Variants in CYB5B observed in about 807,000 individuals in gnomAD.
CYB5B encodes the protein cytochrome b5 type B (outer mitochondrial membrane).
A neutral mutation model predicts 21.3 loss-of-function variants in CYB5B; 14 were observed. The observed-to-expected ratio is 0.66, with a 90% confidence interval of 0.43 to 1.03. The LOEUF is 1.03. CYB5B is among the 50% of genes least tolerant of loss of function. The pLI is 0.00. For missense variants in CYB5B, 166 were observed against 185.1 expected (o/e 0.90, Z 0.60); for synonymous variants, 69 against 68.4 (o/e 1.01, Z -0.04).
At chr16:69,445,710 T>G (rs1452180073) in intron 1 of CYB5B, among the ~76,000 whole-genome samples, 1 of 152,196 alleles carries the variant, frequency 6.6e-6, no homozygotes, top group African/African-American at 2.4e-5. Context: ...ATACCTTTAA[T>G]CCCAGCACTT....
At chr16:69,441,709 G>A (rs1377854711) in intron 1 of CYB5B, among the ~76,000 whole-genome samples, 1 of 151,948 alleles carries the variant, frequency 6.6e-6, no homozygotes, top group Non-Finnish European at 1.5e-5. Context: ...GAATATCTGG[G>A]GTTTTTAGTT....
intron 1 of CYB5B, among the ~76,000 whole-genome samples, chr16:69,432,114 C>A (rs1567470429): frequency 6.6e-6 from 1 of 152,050 alleles, no homozygotes; most frequent in Non-Finnish European, 1.5e-5. Flanking sequence ...CAAGAATGGC[C>A]AGAGAGCTAG....
rs189596882 is a variant in CYB5B at position 69,426,691 on chromosome 16, C to A, written c.174+1834C>A. 2.9e-3 allele frequency among the ~76,000 whole-genome samples: 262 copies of A among 89,550 alleles called. 3 individuals are homozygous for A. The East Asian group carries it at 0.03, about 10-fold the overall frequency. 58.7% of individuals were successfully genotyped at this position (89,550 alleles called of 152,430 possible). ...CTGCACTCCAGCCTGGGCGACAGAG[C>A]GAGACTCCAAAAAAAAAAAAAAAAA... On this transcript the variant is annotated intron_variant, in intron 1 of 4. Coordinates refer to ENST00000307892, the MANE Select transcript of CYB5B (RefSeq NM_030579.3).
chr16:69,445,943 C>T (rs1459915494), intron 1 of CYB5B, among the ~76,000 whole-genome samples: 1 of 151,564 alleles, frequency 6.6e-6, no homozygotes, highest in Non-Finnish European at 1.5e-5. Context: ...GCAACAAGAG[C>T]GAAACTCCAT....
chr16:69,438,448 T>C (rs930689732), intron 1 of CYB5B, among the ~76,000 whole-genome samples: 2 of 152,196 alleles, frequency 1.3e-5, no homozygotes, highest in Non-Finnish European at 2.9e-5. Context: ...ATTCTATGTT[T>C]GGCTTTTTGA....
rs2015056967 is a variant in CYB5B at position 69,463,554 on chromosome 16, TACCA to T, written c.*1036_*1039del. The T allele has an allele frequency of 6.6e-6, 1 of 152,216 alleles. No individual in the cohort carries two copies. The highest frequency in any genetic ancestry group is 1.5e-5 in the Non-Finnish European group (1 of 68,038). The allele number at this position is 152,216 out of a possible 1,614,324, so 9.4% of individuals were successfully genotyped here. ...ATGTATAATTATGTTTGTAGAGCTT[TACCA>T]AGGAGTTTCCCTCCTTTTTTGTTTG... On this transcript the variant is annotated 3_prime_UTR_variant, in exon 5 of 5. Transcript: ENST00000307892.
intron 2 of CYB5B, among the ~76,000 whole-genome samples, chr16:69,447,719 A>G (rs2014891917): frequency 6.6e-6 from 1 of 152,104 alleles, no homozygotes; most frequent in Non-Finnish European, 1.5e-5. Flanking sequence ...AAAATTGTCT[A>G]GTCTTACTGT....
At position 69,447,137 on chromosome 16, in the gene CYB5B, C is replaced by T; in HGVS notation, c.175-13C>T. On this transcript the variant is annotated splice_polypyrimidine_tract_variant and intron_variant, in intron 1 of 4. Coordinates refer to ENST00000307892, the MANE Select transcript of CYB5B (RefSeq NM_030579.3). ...AGAGAACCCTCGGTTCAGTAAATAT[C>T]TTTTCCTTGTAGCACCCTGGAGGAG... is the stretch of plus-strand genomic sequence containing the variant. 1.2e-6 allele frequency: 2 copies of T among 1,612,896 alleles called. No homozygotes were observed. The highest frequency in any genetic ancestry group is 1.7e-6 in the Non-Finnish European group (2 of 1,179,368).
chr16:69,454,482 C>T (rs2014964993), intron 3 of CYB5B, among the ~76,000 whole-genome samples: 1 of 152,182 alleles, frequency 6.6e-6, no homozygotes, highest in Non-Finnish European at 1.5e-5. Context: ...ATACTCAAAA[C>T]ATTTTAGGTG....
chr16:69,456,770 G>A (rs771378272), intron 3 of CYB5B, among the ~76,000 whole-genome samples: 27 of 152,154 alleles, frequency 1.8e-4, no homozygotes, highest in Non-Finnish European at 3.2e-4. Context: ...TGAAGACTGG[G>A]GGGAACTGTG....
At chr16:69,440,745 C>CGTGTATGTGTGT (rs1555509703) in intron 1 of CYB5B, among the ~76,000 whole-genome samples, 2 of 146,318 alleles carry the variant, frequency 1.4e-5, no homozygotes, top group Non-Finnish European at 3.0e-5. Context: ...GTGTGTGTTG[C>CGTGTATGTGTGT]GTGTGTGTGT....
chr16:69,446,209 T>A (rs1474885644), intron 1 of CYB5B, among the ~76,000 whole-genome samples: 1 of 152,242 alleles, frequency 6.6e-6, no homozygotes, highest in Non-Finnish European at 1.5e-5. Context: ...AATATTTCCA[T>A]TTTACAACTA....
chr16:69,460,837 TGTA>T (rs2015028292), intron 4 of CYB5B, among the ~76,000 whole-genome samples: 1 of 152,128 alleles, frequency 6.6e-6, no homozygotes, highest in African/African-American at 2.4e-5. Context: ...ATCACAAACA[TGTA>T]GTAGTCTAGA....
chr16:69,459,070 A>ATTTTTTTTTTTTT (rs34120910), intron 3 of CYB5B, 23 bp from the exon 4 acceptor site: 1 of 1,290,282 alleles, frequency 7.8e-7, no homozygotes, highest in Non-Finnish European at 1.1e-6. Flanking sequence ...TTATTTTTGA[A>ATTTTTTTTTTTTT]TTTTTTTTTT....
chr16:69,460,281 A>AT, intron 4 of CYB5B, among the ~76,000 whole-genome samples: 1 of 152,320 alleles, frequency 6.6e-6, no homozygotes, highest in African/African-American at 2.4e-5. Flanking sequence ...ACTTAGACTT[A>AT]AGCAAAGCAT....
chr16:69,451,942 CA>C (rs1214465929), intron 3 of CYB5B, among the ~76,000 whole-genome samples: 7,614 of 64,712 alleles, frequency 0.12, 193 homozygotes, highest in Middle Eastern at 0.17. Flanking sequence ...GACGCCGTCT[CA>C]AAAAAAAAAA....
At chr16:69,428,199 T>C (rs1249433876) in intron 1 of CYB5B, among the ~76,000 whole-genome samples, 1 of 152,184 alleles carries the variant, frequency 6.6e-6, no homozygotes, top group Non-Finnish European at 1.5e-5. Flanking sequence ...TTCAAATATT[T>C]ATTAAGCCTT....
chr16:69,435,359 G>C (rs1445618644), intron 1 of CYB5B, among the ~76,000 whole-genome samples: 1 of 152,122 alleles, frequency 6.6e-6, no homozygotes, highest in Non-Finnish European at 1.5e-5. Context: ...ATTGTTTCCT[G>C]CAGCATCTTT....
intron 1 of CYB5B, among the ~76,000 whole-genome samples, chr16:69,438,516 G>A (rs1276601220): frequency 1.3e-5 from 2 of 148,398 alleles, no homozygotes; most frequent in African/African-American, 5.1e-5. Flanking sequence ...CACCAGCAAT[G>A]TACAAAGATC....
Sources: gnomAD v4.1 joint callset for allele counts (sites outside exome capture counted in the v4.1 genomes callset) on GRCh38, gnomAD v4.1.1 for gene constraint, MANE v1.5 for transcripts, NCBI Gene and HGNC (gene_info 2026-07-23, HGNC 2026-07-21) for gene names.